The following SUZ12 variants were observed in gnomAD, a reference collection of about 807,000 sequenced individuals.
SUZ12 encodes polycomb protein SUZ12.
In SUZ12, 17 loss-of-function variants were observed where a neutral mutation model predicts 87.3. The ratio of observed to expected loss-of-function variants is 0.19; its 90% CI spans 0.13 to 0.29. The LOEUF (loss-of-function observed/expected upper bound fraction) is 0.29, where lower values mean the gene tolerates loss of function less well. SUZ12 is among the 10% of genes least tolerant of loss of function. SUZ12 has a pLI of 1.00. For missense variants in SUZ12, 526 were observed against 912.2 expected (o/e 0.58, Z 5.45); for synonymous variants, 253 against 312.4 (o/e 0.81, Z 2.01).
intron 1 of SUZ12, among the ~76,000 whole-genome samples, chr17:31,938,525 A>C (rs1459210429): frequency 6.6e-6 from 1 of 152,212 alleles, no homozygotes; most frequent in East Asian, 1.9e-4. Context: ...GTGCTTCATG[A>C]AATTCTAATT....
At chr17:31,966,001 T>TA in intron 4 of SUZ12, 146 bp from the exon 5 acceptor site, 1 of 656,898 alleles carries the variant, frequency 1.5e-6, no homozygotes, top group Middle Eastern at 4.4e-4. Context: ...AGGGAAAGCA[T>TA]AGAGTCATGG....
At position 31,988,304 on chromosome 17, in the gene SUZ12, G is replaced by A. The variant is rs777872109; in HGVS notation, c.1024-16G>A. ...TTATCTGAGTCTCCAGTCTTTGCAT[G>A]TTTTTTATTTTTTAGAGGCTGCCTC... On this transcript the variant is annotated splice_polypyrimidine_tract_variant and intron_variant, in intron 9 of 15. Transcript: ENST00000322652. The A allele has an allele frequency of 2.6e-5, 40 of 1,523,836 alleles. No individual in the cohort carries two copies. The highest frequency in any genetic ancestry group is 3.5e-4 in the Middle Eastern group (2 of 5,690). The allele number at this position is 1,523,836 out of a possible 1,614,324, so 94.4% of individuals were successfully genotyped here. A position where few individuals can be genotyped will look rare whatever the true frequency, so the allele number is the denominator to read the frequency against.
At chr17:31,956,558 TATG>T (rs1292612834) in intron 4 of SUZ12, among the ~76,000 whole-genome samples, 1 of 152,142 alleles carries the variant, frequency 6.6e-6, no homozygotes, top group Non-Finnish European at 1.5e-5. Context: ...CAGTAGTACA[TATG>T]ATGGTTAGGA....
intron 4 of SUZ12, among the ~76,000 whole-genome samples, chr17:31,957,193 TCTC>T (rs1445891414): frequency 6.6e-6 from 1 of 151,900 alleles, no homozygotes; most frequent in Non-Finnish European, 1.5e-5. Context: ...AGAGATCCTC[TCTC>T]CTCAGCCTCT....
chr17:31,953,424 T>A (rs1481034195), intron 4 of SUZ12, among the ~76,000 whole-genome samples: 1 of 152,066 alleles, frequency 6.6e-6, no homozygotes, highest in Admixed American at 6.5e-5. Flanking sequence ...TTTTTATTTT[T>A]TGAGACAAGG....
intron 10 of SUZ12, among the ~76,000 whole-genome samples, chr17:31,990,134 T>TA (rs1356208795): frequency 1.3e-4 from 18 of 139,478 alleles, no homozygotes; most frequent in African/African-American, 4.6e-4. Context: ...TTTTTTTTTT[T>TA]TTTTTTTTTT....
chr17:31,968,634 A>G (rs536057263), intron 5 of SUZ12, among the ~76,000 whole-genome samples: 1 of 152,208 alleles, frequency 6.6e-6, no homozygotes, highest in Non-Finnish European at 1.5e-5. Flanking sequence ...TTTTATATAG[A>G]AGTAACCTGG....
chr17:31,948,214 A>C (rs1906746928), intron 4 of SUZ12, among the ~76,000 whole-genome samples: 1 of 152,320 alleles, frequency 6.6e-6, no homozygotes, highest in Non-Finnish European at 1.5e-5. Flanking sequence ...TTTGGACAGA[A>C]TCTACTTGTT....
At chr17:31,949,132 T>C (rs1906798519) in intron 4 of SUZ12, among the ~76,000 whole-genome samples, 1 of 152,138 alleles carries the variant, frequency 6.6e-6, no homozygotes. Context: ...CTCATCAAGG[T>C]TTACCTTCAC....
intron 1 of SUZ12, among the ~76,000 whole-genome samples, chr17:31,939,648 C>T (rs956323703): frequency 3.3e-5 from 5 of 152,134 alleles, no homozygotes; most frequent in Admixed American, 1.3e-4. Context: ...CTCAGCCTCC[C>T]AAGTAGCTGG....
intron 6 of SUZ12, 71 bp downstream of exon 6, chr17:31,973,302 A>G: frequency 7.8e-7 from 1 of 1,274,202 alleles, no homozygotes; most frequent in South Asian, 1.5e-5. Context: ...TTATGCATAT[A>G]TATTGTATTT....
intron 4 of SUZ12, among the ~76,000 whole-genome samples, chr17:31,958,027 C>T (rs1392370632): frequency 4.0e-5 from 6 of 151,384 alleles, no homozygotes; most frequent in South Asian, 2.1e-4. Context: ...CTCAGCCTCC[C>T]GAGTAGCTGG....
chr17:31,996,623 T>C (rs1029307394), intron 14 of SUZ12, among the ~76,000 whole-genome samples, 175 bp from the exon 15 acceptor site: 1 of 149,076 alleles, frequency 6.7e-6, no homozygotes, highest in Admixed American at 6.6e-5. Flanking sequence ...TGTCTCTAAC[T>C]AAATAAATAA....
Position 31,937,069 on chromosome 17 carries a change from T to C in SUZ12, c.-178T>C. On this transcript the variant is annotated 5_prime_UTR_variant, in exon 1 of 16. Coordinates refer to ENST00000322652, the MANE Select transcript of SUZ12 (RefSeq NM_015355.4). ...GGAGCGGGGCTCTGAGGAGACACTT[T>C]TTTTTTCCTCCCTCCTTCCCTCCTC... 1.9e-6 allele frequency: 1 copy of C among 525,124 alleles called. No individual in the cohort carries two copies. The highest frequency in any genetic ancestry group is 3.1e-6 in the Non-Finnish European group (1 of 326,616). The allele number at this position is 525,124 out of a possible 1,614,324, so 32.5% of individuals were successfully genotyped here. A position where few individuals can be genotyped will look rare whatever the true frequency, so the allele number is the denominator to read the frequency against.
At chr17:31,970,587 C>T (rs1482863657) in intron 5 of SUZ12, among the ~76,000 whole-genome samples, 2 of 151,850 alleles carry the variant, frequency 1.3e-5, no homozygotes, top group South Asian at 2.1e-4. Flanking sequence ...GAGATTGTGC[C>T]ACTGCATTCC....
At chr17:31,982,219 C>T (rs1201203644) in intron 8 of SUZ12, among the ~76,000 whole-genome samples, 6 of 152,142 alleles carry the variant, frequency 3.9e-5, no homozygotes, top group African/African-American at 1.2e-4. Context: ...CCGTAGTTAC[C>T]AGATTCGTCA....
intron 9 of SUZ12, 32 bp downstream of exon 9, chr17:31,983,136 T>C (rs764695119): frequency 1.2e-5 from 19 of 1,597,100 alleles, no homozygotes; most frequent in East Asian, 2.2e-5. Flanking sequence ...GAGCACGTTA[T>C]AGTTATGAAC....
chr17:31,983,700 T>C (rs1473046984), intron 9 of SUZ12, among the ~76,000 whole-genome samples: 3 of 152,202 alleles, frequency 2.0e-5, no homozygotes, highest in African/African-American at 4.8e-5. Flanking sequence ...ACATGAGACA[T>C]AGAATTGATG....
intron 4 of SUZ12, among the ~76,000 whole-genome samples, chr17:31,964,100 G>A (rs1331937648): frequency 0.071 from 10,488 of 148,458 alleles, no homozygotes; most frequent in African/African-American, 0.23. Flanking sequence ...AATCTCGGCT[G>A]ACTGCAACCT....
Sources: gnomAD v4.1 joint callset for allele counts (sites outside exome capture counted in the v4.1 genomes callset) on GRCh38, gnomAD v4.1.1 for gene constraint, MANE v1.5 for transcripts, NCBI Gene and HGNC (gene_info 2026-07-23, HGNC 2026-07-21) for gene names.